GRM8: variants seen among roughly 807,000 people sequenced by gnomAD.
GRM8 encodes metabotropic glutamate receptor 8.
Under a neutral mutation model 87.2 loss-of-function variants are expected in GRM8, and 47 were observed. That is an observed-to-expected ratio of 0.54 (90% confidence interval 0.43 to 0.69). GRM8 has a LOEUF of 0.69. GRM8 is among the 30% of genes least tolerant of loss of function. The probability of loss-of-function intolerance (pLI) is 0.00; values close to 1 mark genes in which losing one functional copy is unlikely to be tolerated. For synonymous variants in GRM8, 396 were observed against 404.5 expected (o/e 0.98, Z 0.25); for missense variants, 1,019 against 1,139.2 (o/e 0.89, Z 1.52).
chr7:127,108,719 C>T (rs1469707126), intron 2 of GRM8, among the ~76,000 whole-genome samples: 1 of 151,990 alleles, frequency 6.6e-6, no homozygotes, highest in African/African-American at 2.4e-5. Context: ...AATTAGCAGT[C>T]AGCCTCATGT....
At chr7:126,653,697 C>G (rs1248237416) in intron 7 of GRM8, among the ~76,000 whole-genome samples, 1 of 152,130 alleles carries the variant, frequency 6.6e-6, no homozygotes, top group Non-Finnish European at 1.5e-5. Flanking sequence ...AAATAATAGT[C>G]CAGGGCAATT....
At chr7:127,130,743 G>A (rs17864137) in intron 2 of GRM8, among the ~76,000 whole-genome samples, 24,222 of 152,062 alleles carry the variant, frequency 0.16, 2,220 homozygotes, top group Non-Finnish European at 0.21. Context: ...CAAGAGTGAG[G>A]GAGGGACCTG....
At chr7:126,914,131 CAAAA>C (rs1295474717) in intron 3 of GRM8, among the ~76,000 whole-genome samples, 6 of 152,102 alleles carry the variant, frequency 3.9e-5, no homozygotes, top group African/African-American at 1.4e-4. Flanking sequence ...AGACACTTCT[CAAAA>C]GAAGACATAC....
intron 3 of GRM8, among the ~76,000 whole-genome samples, chr7:126,927,550 G>A (rs1805272269): frequency 1.3e-5 from 2 of 152,098 alleles, no homozygotes; most frequent in Non-Finnish European, 2.9e-5. Context: ...TCAAAAAGTG[G>A]GAGAAGGGTA....
intron 2 of GRM8, among the ~76,000 whole-genome samples, chr7:127,172,748 G>T (rs577050154): frequency 2.0e-5 from 3 of 151,496 alleles, no homozygotes; most frequent in African/African-American, 4.9e-5. Context: ...TTCCTTTATG[G>T]CCATTATTAT....
chr7:126,531,580 C>T (rs917788978), intron 9 of GRM8, among the ~76,000 whole-genome samples: 2 of 152,196 alleles, frequency 1.3e-5, no homozygotes, highest in Non-Finnish European at 2.9e-5. Context: ...AAATTCTTAT[C>T]TTCATCACTG....
chr7:126,446,176 C>T lies in GRM8; in HGVS notation c.2627G>A (p.Arg876Lys), dbSNP rs868430299. ...TTCACTTTTCACCTCGCCATTTGGTCTGTCATTTCCTTTTTGGATCAGTTT... is the reference window on the plus strand; with the variant it reads ...TTCACTTTTCACCTCGCCATTTGGTTTGTCATTTCCTTTTTGGATCAGTTT... ...QSKLIQKGNDRPNGEVKSELC... is the reference protein window; with the variant it reads ...QSKLIQKGNDKPNGEVKSELC... Residue 876 changes from arginine (R) to lysine (K), a missense_variant, in exon 10 of 11, where the codon AGA becomes AAA. Arg to Lys is a conservative substitution (Grantham distance 26). Transcript: ENST00000339582. 1 of 1,612,906 alleles carries T rather than the reference C, an allele frequency of 6.2e-7. No homozygotes were observed. Among genetic ancestry groups the T allele is most frequent in the Non-Finnish European group, 8.5e-7 (1 of 1,179,190 alleles).
intron 3 of GRM8, among the ~76,000 whole-genome samples, chr7:127,066,512 AT>A (rs968639711): frequency 2.8e-4 from 42 of 151,458 alleles, no homozygotes; most frequent in African/African-American, 7.3e-4. Context: ...GGTATTCTTT[AT>A]TTTTTTTTAA....
intron 3 of GRM8, among the ~76,000 whole-genome samples, chr7:127,019,839 T>G (rs1162220938): frequency 6.6e-6 from 1 of 152,082 alleles, no homozygotes; most frequent in Non-Finnish European, 1.5e-5. Flanking sequence ...CTATATTTTG[T>G]GAGTATTAAA....
At chr7:126,625,919 T>G (rs892983290) in intron 7 of GRM8, among the ~76,000 whole-genome samples, 1 of 152,212 alleles carries the variant, frequency 6.6e-6, no homozygotes, top group East Asian at 1.9e-4. Context: ...GAATCTAATA[T>G]ATTTTCATTC....
intron 7 of GRM8, among the ~76,000 whole-genome samples, chr7:126,707,680 T>C (rs530061892): frequency 6.6e-6 from 1 of 152,238 alleles, no homozygotes; most frequent in Admixed American, 6.5e-5. Context: ...ATAAATTACA[T>C]TTGAAACACT....
At chr7:126,803,341 A>C (rs1401102903) in intron 6 of GRM8, among the ~76,000 whole-genome samples, 1 of 152,164 alleles carries the variant, frequency 6.6e-6, no homozygotes, top group Admixed American at 6.5e-5. Context: ...ACTCTCCCTA[A>C]GATGTCTAGT....
intron 2 of GRM8, among the ~76,000 whole-genome samples, chr7:127,133,754 T>C (rs1827815414): frequency 6.6e-6 from 1 of 151,234 alleles, no homozygotes; most frequent in South Asian, 2.1e-4. Flanking sequence ...CAAGATAAAC[T>C]GGCATTTTTT....
At chr7:126,809,486 G>A (rs1474863881) in intron 6 of GRM8, among the ~76,000 whole-genome samples, 1 of 152,094 alleles carries the variant, frequency 6.6e-6, no homozygotes, top group African/African-American at 2.4e-5. Context: ...AAAAGCAAAG[G>A]AAGGACTTAA....
At chr7:127,240,070 T>A (rs544071084) in intron 2 of GRM8, among the ~76,000 whole-genome samples, 9 of 152,160 alleles carry the variant, frequency 5.9e-5, no homozygotes, top group African/African-American at 2.2e-4. Context: ...AGAGCTGCCC[T>A]TTCATGTGTT....
At chr7:126,642,095 A>T (rs964907144) in intron 7 of GRM8, among the ~76,000 whole-genome samples, 1 of 152,150 alleles carries the variant, frequency 6.6e-6, no homozygotes, top group African/African-American at 2.4e-5. Flanking sequence ...GCCACATAGG[A>T]AGCACTGAAT....
chr7:126,950,148 A>G (rs1236731123), intron 3 of GRM8, among the ~76,000 whole-genome samples: 3 of 152,210 alleles, frequency 2.0e-5, no homozygotes, highest in Non-Finnish European at 4.4e-5. Context: ...CAGGTGATTC[A>G]AACATTAAAA....
intron 3 of GRM8, among the ~76,000 whole-genome samples, chr7:127,087,183 C>G (rs1037163135): frequency 6.6e-6 from 1 of 152,222 alleles, no homozygotes; most frequent in Admixed American, 6.5e-5. Context: ...AAACCAGCCT[C>G]AGTCCCAGGC....
intron 7 of GRM8, among the ~76,000 whole-genome samples, chr7:126,719,519 G>A (rs756775656): frequency 2.6e-4 from 39 of 152,298 alleles, no homozygotes; most frequent in Non-Finnish European, 3.8e-4. Context: ...TTGTCAAGGT[G>A]TCAGTCATGT....
Sources: allele counts gnomAD v4.1 joint callset (sites outside exome capture counted in the v4.1 genomes callset), GRCh38; gene constraint gnomAD v4.1.1; transcripts MANE v1.5; gene names NCBI Gene and HGNC (gene_info 2026-07-23, HGNC 2026-07-21).